Variants in CLUL1 observed in about 807,000 individuals in gnomAD.
CLUL1 encodes the protein clusterin like 1.
In CLUL1, 43 loss-of-function variants were observed where a neutral mutation model predicts 49.4. That is an observed-to-expected ratio of 0.87 (90% confidence interval 0.68 to 1.12). The LOEUF is 1.12. Among genes scored for constraint, CLUL1 ranks in the 50% most tolerant of loss-of-function variants. The pLI, the probability that CLUL1 is intolerant of heterozygous loss-of-function variation, is 0.00. For missense variants in CLUL1, 486 were observed against 544.4 expected, an observed-to-expected ratio of 0.89 and a Z score of 1.07; for synonymous variants, 192 against 184.9, an observed-to-expected ratio of 1.04 and a Z score of -0.31.
At chr18:638,250 C>T (rs1250406691) in intron 7 of CLUL1, among the ~76,000 whole-genome samples, 3 of 152,264 alleles carry the variant, frequency 2.0e-5, no homozygotes, top group East Asian at 3.9e-4. Context: ...AATATACTGA[C>T]CTCTTACAAA....
chr18:628,463 G>A (rs1009812716), intron 6 of CLUL1, among the ~76,000 whole-genome samples: 4 of 152,210 alleles, frequency 2.6e-5, no homozygotes, highest in South Asian at 4.1e-4. Context: ...TCTTCTGTGG[G>A]CTTCTATGGA....
At chr18:625,133 A>C (rs916092190) in intron 5 of CLUL1, 101 bp downstream of exon 5, 1 of 1,190,296 alleles carries the variant, frequency 8.4e-7, no homozygotes, top group Non-Finnish European at 1.2e-6. Flanking sequence ...GAGATGCCTG[A>C]TCTGATAGGG....
chr18:610,085 T>C (rs200441815), intron 2 of CLUL1, among the ~76,000 whole-genome samples: 5 of 151,874 alleles, frequency 3.3e-5, no homozygotes, highest in South Asian at 2.1e-4. Context: ...TCCTCTATGT[T>C]ATCAAATACT....
At chr18:633,797 TC>T (rs2074057706) in intron 7 of CLUL1, among the ~76,000 whole-genome samples, 1 of 31,512 alleles carries the variant, frequency 3.2e-5, no homozygotes, top group South Asian at 8.5e-4. Context: ...GAGCATGTAA[TC>T]GGAATGAATC....
At chr18:628,633 TTTTTTC>T (rs2073885744) in intron 6 of CLUL1, among the ~76,000 whole-genome samples, 1 of 149,324 alleles carries the variant, frequency 6.7e-6, no homozygotes, top group African/African-American at 2.5e-5. Context: ...TTTCTTTTTC[TTTTTTC>T]TTTTTTTTTT....
At chr18:599,589 A>AAAAAAAT (rs2072761408) in intron 1 of CLUL1, among the ~76,000 whole-genome samples, 2 of 152,214 alleles carry the variant, frequency 1.3e-5, no homozygotes, top group African/African-American at 4.8e-5. Context: ...TTTTATCACC[A>AAAAAAAT]GATTTATTTT....
chr18:600,495 T>C (rs1406194442), intron 1 of CLUL1, among the ~76,000 whole-genome samples: 1 of 152,200 alleles, frequency 6.6e-6, no homozygotes, highest in Non-Finnish European at 1.5e-5. Flanking sequence ...TATATTTCTC[T>C]TGTAGAATAT....
chr18:649,853 T>A (rs1567982273), intron 9 of CLUL1, 45 bp from the exon 10 acceptor site: 1 of 1,198,956 alleles, frequency 8.3e-7, no homozygotes, highest in Non-Finnish European at 1.2e-6. Context: ...CTGTGAGTAA[T>A]TTATTAGTAT....
chr18:633,560 G>C, intron 7 of CLUL1, 125 bp downstream of exon 7: 1 of 867,056 alleles, frequency 1.2e-6, no homozygotes, highest in Non-Finnish European at 1.8e-6. Flanking sequence ...TCTCAGCAAG[G>C]AAAGTTACTT....
At chr18:619,034 G>A (rs1394020125) in intron 3 of CLUL1, among the ~76,000 whole-genome samples, 179 bp from the exon 4 acceptor site, 2 of 152,058 alleles carry the variant, frequency 1.3e-5, no homozygotes, top group Admixed American at 6.6e-5. Context: ...AGAAGGTATG[G>A]TCCGTGTGGC....
chr18:613,603 T>C (rs766722330), intron 2 of CLUL1, among the ~76,000 whole-genome samples: 61 of 151,600 alleles, frequency 4.0e-4, no homozygotes, highest in Admixed American at 9.9e-4. Context: ...TACAGGCACC[T>C]GCCACCACCC....
At chr18:641,259 A>C (rs1472040495) in intron 7 of CLUL1, 68 bp from the exon 8 acceptor site, 1 of 1,335,256 alleles carries the variant, frequency 7.5e-7, no homozygotes, top group Non-Finnish European at 1.1e-6. Flanking sequence ...CTGGGACTTA[A>C]GCCCATGTTG....
intron 2 of CLUL1, among the ~76,000 whole-genome samples, chr18:614,264 T>C (rs561122318): frequency 8.6e-4 from 126 of 147,010 alleles, no homozygotes; most frequent in African/African-American, 2.7e-3. Context: ...GTTTATTAAA[T>C]GAATGGCTGA....
intron 6 of CLUL1, among the ~76,000 whole-genome samples, chr18:630,643 C>G (rs929239501): frequency 4.0e-5 from 6 of 148,644 alleles, no homozygotes; most frequent in Non-Finnish European, 5.9e-5. Context: ...TCCTCTAGAG[C>G]CTCCGCAAAA....
rs766064125 is a variant in CLUL1 at position 649,932 on chromosome 18, T to C, written c.*31T>C. 1.5e-6 allele frequency: 2 copies of C among 1,339,874 alleles called. No individual in the cohort carries two copies. Among genetic ancestry groups the C allele is most frequent in the Non-Finnish European group, 2.1e-6 (2 of 952,210 alleles). 83.0% of individuals were successfully genotyped at this position (1,339,874 alleles called of 1,614,324 possible). ...TCTAATGCATCCTATATCCAGTAAG[T>C]AGAATTATCTCTTCATCTGGGACCT... is the stretch of plus-strand genomic sequence containing the variant. On this transcript the variant is annotated 3_prime_UTR_variant, in exon 10 of 10. Transcript: ENST00000692774.
At chr18:645,782 AG>A (rs752290166) in intron 9 of CLUL1, among the ~76,000 whole-genome samples, 8,647 of 88,228 alleles carry the variant, frequency 0.098, 1,016 homozygotes, top group East Asian at 0.23. Flanking sequence ...CGACAGAGCG[AG>A]ACTCTGTTTA....
At chr18:610,281 G>A (rs976798016) in intron 2 of CLUL1, among the ~76,000 whole-genome samples, 6 of 152,120 alleles carry the variant, frequency 3.9e-5, no homozygotes, top group Admixed American at 1.3e-4. Context: ...GCGGCACTTC[G>A]AAGACTCAAT....
At chr18:598,646 A>C (rs1470699730) in intron 1 of CLUL1, 4 of 398,228 alleles carry the variant, frequency 1.0e-5, no homozygotes, top group Non-Finnish European at 1.8e-5. Flanking sequence ...TGTGGCACTG[A>C]GTTCTTGGAT....
intron 8 of CLUL1, among the ~76,000 whole-genome samples, chr18:642,554 C>A (rs1201132033): frequency 6.6e-6 from 1 of 152,258 alleles, no homozygotes; most frequent in Non-Finnish European, 1.5e-5. Context: ...CATCCCCCCT[C>A]CAACACACAC....
Sources: gnomAD v4.1 joint callset for allele counts (sites outside exome capture counted in the v4.1 genomes callset) on GRCh38, gnomAD v4.1.1 for gene constraint, MANE v1.5 for transcripts, NCBI Gene and HGNC (gene_info 2026-07-23, HGNC 2026-07-21) for gene names.